SNTG2: variants seen among roughly 807,000 people sequenced by gnomAD.
SNTG2 encodes the protein gamma-2-syntrophin.
In SNTG2, 74 loss-of-function variants were observed where a neutral mutation model predicts 70.9. The observed-to-expected ratio is 1.04, with a 90% CI of 0.86 to 1.27. SNTG2 has a LOEUF of 1.27. Among genes scored for constraint, SNTG2 ranks in the 50% most tolerant of loss-of-function variants. The pLI, the probability that SNTG2 is intolerant of heterozygous loss-of-function variation, is 0.00. For synonymous variants in SNTG2, 278 were observed against 273.8 expected (o/e 1.02, Z -0.15); for missense variants, 717 against 690.7 (o/e 1.04, Z -0.43).
chr2:972,808 T>C lies in SNTG2; in HGVS notation c.72+21740T>C, dbSNP rs539078006. Among the ~76,000 whole-genome samples the C allele has an allele frequency of 6.6e-4, 100 of 152,236 alleles. 2 individuals carry two copies. The South Asian group carries it at 0.012, about 19-fold the overall frequency. On this transcript the variant is annotated intron_variant, in intron 1 of 16. Transcript: ENST00000308624. ...GCTCCCACTTTGTCTTCCACCATGA[T>C]TGGAAGCTCCCTGAGGCCTCCCCAG...
chr2:1,143,384 C>A (rs4971384), intron 6 of SNTG2, among the ~76,000 whole-genome samples: 56,583 of 151,866 alleles, frequency 0.37, 11,408 homozygotes, highest in East Asian at 0.83. Flanking sequence ...TTGTCTTTCT[C>A]CATGTTCTCC....
Position 1,297,222 on chromosome 2 carries a change from G to A in SNTG2, c.1285-11272G>A, listed in dbSNP as rs73908823. 3.3e-3 allele frequency among the ~76,000 whole-genome samples: 508 copies of A among 152,352 alleles called. 3 individuals are homozygous for A. Among genetic ancestry groups the A allele is most frequent in the African/African-American group, 0.012 (494 of 41,586 alleles). On this transcript the variant is annotated intron_variant, in intron 14 of 16. Transcript: ENST00000308624. Reference sequence around the variant, plus strand: ...GTGTATCTGCAAGTGAGGGGAATAAGCTTTTCTGTCTTCATGCAGAATCCA... The same window carrying A: ...GTGTATCTGCAAGTGAGGGGAATAAACTTTTCTGTCTTCATGCAGAATCCA...
At chr2:1,148,947 C>G (rs910612078) in intron 6 of SNTG2, among the ~76,000 whole-genome samples, 1 of 152,158 alleles carries the variant, frequency 6.6e-6, no homozygotes, top group African/African-American at 2.4e-5. Context: ...CGAGGTTTCA[C>G]AGCTGCTTGA....
At chr2:1,203,673 A>T (rs74536082) in intron 8 of SNTG2, among the ~76,000 whole-genome samples, 37,016 of 112,358 alleles carry the variant, frequency 0.33, 6,200 homozygotes, top group Middle Eastern at 0.46. Context: ...CAAAAAAAAA[A>T]ATATATATAT....
At chr2:1,140,887 T>C (rs1007059477) in intron 6 of SNTG2, among the ~76,000 whole-genome samples, 1 of 152,354 alleles carries the variant, frequency 6.6e-6, no homozygotes, top group Admixed American at 6.5e-5. Context: ...GCTACCCTTT[T>C]AAATTTAAAT....
chr2:1,355,805 T>C (rs1287419082), intron 16 of SNTG2, among the ~76,000 whole-genome samples: 1 of 152,220 alleles, frequency 6.6e-6, no homozygotes, highest in African/African-American at 2.4e-5. Flanking sequence ...CCACCCACAA[T>C]GTGCAAGGGT....
intron 1 of SNTG2, among the ~76,000 whole-genome samples, chr2:1,037,143 G>A (rs1003806115): frequency 2.0e-5 from 3 of 152,338 alleles, no homozygotes; most frequent in Middle Eastern, 3.4e-3. Flanking sequence ...GGAACATTCT[G>A]TCAGCACTCA....
intron 1 of SNTG2, among the ~76,000 whole-genome samples, chr2:1,081,200 G>A (rs942085027): frequency 3.9e-5 from 6 of 152,212 alleles, no homozygotes; most frequent in African/African-American, 1.4e-4. Flanking sequence ...GCCCTGTGGC[G>A]GAGCTGGCCT....
At chr2:1,228,742 T>C (rs1285481091) in intron 9 of SNTG2, among the ~76,000 whole-genome samples, 1 of 152,202 alleles carries the variant, frequency 6.6e-6, no homozygotes. Context: ...CAGGCTACTG[T>C]GTCCAGAATT....
chr2:1,185,706 G>A (rs940946981), intron 8 of SNTG2, among the ~76,000 whole-genome samples: 6 of 152,210 alleles, frequency 3.9e-5, no homozygotes, highest in Non-Finnish European at 8.8e-5. Context: ...TCCCAAGATT[G>A]CACAGGGCAG....
chr2:1,223,581 T>G (rs1186966980), intron 9 of SNTG2, among the ~76,000 whole-genome samples: 9 of 152,316 alleles, frequency 5.9e-5, no homozygotes, highest in South Asian at 2.1e-4. Flanking sequence ...ACCCTCCCCA[T>G]TACAACTAAA....
intron 4 of SNTG2, among the ~76,000 whole-genome samples, chr2:1,125,023 C>G (rs1202840633): frequency 6.6e-6 from 1 of 152,114 alleles, no homozygotes; most frequent in Non-Finnish European, 1.5e-5. Context: ...ACTATAGTAA[C>G]CATTTTACTA....
intron 1 of SNTG2, among the ~76,000 whole-genome samples, chr2:969,501 A>G (rs1660673281): frequency 6.6e-6 from 1 of 152,124 alleles, no homozygotes; most frequent in South Asian, 2.1e-4. Context: ...TGAGCATGGA[A>G]TGTTTTTCTG....
intron 8 of SNTG2, among the ~76,000 whole-genome samples, chr2:1,190,022 A>G (rs4971410): frequency 0.32 from 47,888 of 151,994 alleles, 8,125 homozygotes; most frequent in East Asian, 0.65. Context: ...GATCTCGGGA[A>G]AGGGAAAGAC....
chr2:1,215,018 A>T (rs1674287725), intron 9 of SNTG2, among the ~76,000 whole-genome samples: 1 of 152,116 alleles, frequency 6.6e-6, no homozygotes, highest in Non-Finnish European at 1.5e-5. Context: ...TCATTTTGTT[A>T]ATATGGTGAA....
intron 16 of SNTG2, among the ~76,000 whole-genome samples, chr2:1,363,419 A>G (rs1250977439): frequency 6.6e-6 from 1 of 152,174 alleles, no homozygotes; most frequent in Non-Finnish European, 1.5e-5. Context: ...AATTGCCTAC[A>G]TAGTCCCAAA....
intron 2 of SNTG2, among the ~76,000 whole-genome samples, chr2:1,092,932 GA>G (rs1395661048): frequency 6.6e-6 from 1 of 152,182 alleles, no homozygotes. Context: ...TTTTATGAAA[GA>G]TTTTATCTGA....
chr2:1,333,730 G>A (rs559223184), intron 16 of SNTG2, among the ~76,000 whole-genome samples: 2 of 152,256 alleles, frequency 1.3e-5, no homozygotes, highest in African/African-American at 4.8e-5. Flanking sequence ...TAATTGGCAA[G>A]CCACATGCAG....
chr2:1,042,737 A>C (rs562458583), intron 1 of SNTG2, among the ~76,000 whole-genome samples: 3 of 152,314 alleles, frequency 2.0e-5, no homozygotes, highest in Non-Finnish European at 4.4e-5. Context: ...TCCATGGTGT[A>C]TATGGACCAC....
Sources: allele counts gnomAD v4.1 joint callset (sites outside exome capture counted in the v4.1 genomes callset), GRCh38; gene constraint gnomAD v4.1.1; transcripts MANE v1.5; gene names NCBI Gene and HGNC (gene_info 2026-07-23, HGNC 2026-07-21).